Variants in SYNGR1 observed in about 807,000 individuals in gnomAD.
SYNGR1 encodes the protein synaptogyrin 1.
A neutral mutation model predicts 26.1 loss-of-function variants in SYNGR1; 14 were observed. That is an observed-to-expected ratio of 0.54 (90% CI 0.35 to 0.84). The LOEUF (loss-of-function observed/expected upper bound fraction) is 0.84, where lower values mean the gene tolerates loss of function less well. SYNGR1 is among the 40% of genes least tolerant of loss of function. SYNGR1 has a pLI of 0.01. For missense variants in SYNGR1, 319 were observed against 332.9 expected (o/e 0.96, Z 0.33); for synonymous variants, 141 against 150.1 (o/e 0.94, Z 0.44).
At chr22:39,365,581 T>G (rs991691430) in intron 1 of SYNGR1, among the ~76,000 whole-genome samples, 5 of 151,972 alleles carry the variant, frequency 3.3e-5, no homozygotes, top group African/African-American at 1.2e-4. Flanking sequence ...CCACTCAGGG[T>G]GGGGTACAGC....
chr22:39,364,448 T>G (rs1396085460), intron 1 of SYNGR1: 2 of 1,310,396 alleles, frequency 1.5e-6, no homozygotes, highest in Middle Eastern at 1.8e-4. Context: ...AGGTGCCTTC[T>G]TCCATTGGCA....
At chr22:39,353,067 A>G (rs137700) in intron 1 of SYNGR1, among the ~76,000 whole-genome samples, 114,361 of 151,932 alleles carry the variant, frequency 0.75, 43,167 homozygotes, top group South Asian at 0.86. Flanking sequence ...TCACCATGTT[A>G]GCCAGGCTGG....
intron 3 of SYNGR1, among the ~76,000 whole-genome samples, chr22:39,376,540 G>A (rs1017125586): frequency 6.6e-6 from 1 of 152,222 alleles, no homozygotes; most frequent in African/African-American, 2.4e-5. Context: ...GCCTAGACAG[G>A]AAGGTGAGGC....
chr22:39,364,398 A>G lies in SYNGR1; in HGVS notation c.100-9918A>G, dbSNP rs1924635886. On this transcript the variant is annotated intron_variant, in intron 1 of 3. Coordinates refer to ENST00000328933, the MANE Select transcript of SYNGR1 (RefSeq NM_004711.5). Reference sequence around the variant, plus strand: ...CTAAGTATAAGACTGCTTTGTGGGGATGATTTGCAGATTTTTATGGGGATT... The same window carrying G: ...CTAAGTATAAGACTGCTTTGTGGGGGTGATTTGCAGATTTTTATGGGGATT... The G allele has an allele frequency of 5.7e-6, 9 of 1,582,322 alleles. 1 individual carries two copies. The South Asian group carries it at 8.9e-5, about 16-fold the overall frequency.
intron 3 of SYNGR1, chr22:39,377,254 C>T: frequency 2.0e-6 from 2 of 985,398 alleles, no homozygotes; most frequent in Non-Finnish European, 2.4e-6. Context: ...ACACCCATCT[C>T]CCCAACAATA....
At chr22:39,377,692 C>T in intron 3 of SYNGR1, 1 of 1,613,482 alleles carries the variant, frequency 6.2e-7, no homozygotes, top group South Asian at 1.1e-5. Context: ...CAGCCGTAGG[C>T]CTCCCCGGCT....
chr22:39,372,914 C>A (rs749659167), intron 1 of SYNGR1, among the ~76,000 whole-genome samples: 43 of 152,014 alleles, frequency 2.8e-4, no homozygotes, highest in Non-Finnish European at 2.6e-4. Context: ...AAGGGTAGTC[C>A]AAAACACAAC....
At chr22:39,378,328 G>A (rs753296513) in intron 3 of SYNGR1, 16 of 972,234 alleles carry the variant, frequency 1.6e-5, no homozygotes, top group Non-Finnish European at 1.7e-5. Flanking sequence ...ACAAAGGCCA[G>A]CCCAGGGCTT....
At chr22:39,376,616 T>C (rs1925298379) in intron 3 of SYNGR1, among the ~76,000 whole-genome samples, 1 of 152,212 alleles carries the variant, frequency 6.6e-6, no homozygotes, top group African/African-American at 2.4e-5. Context: ...CGATCGGGGC[T>C]GCCTCTGATT....
intron 1 of SYNGR1, among the ~76,000 whole-genome samples, chr22:39,357,641 AGCCC>A (rs1924214243): frequency 2.7e-5 from 1 of 36,510 alleles, no homozygotes; most frequent in East Asian, 4.5e-3. Flanking sequence ...GCAGCCGGCC[AGCCC>A]TGCTGGCCCC....
rs1211009383 is a variant in SYNGR1, at chr22:39,381,822, G to C, written c.610G>C (p.Gly204Arg). The C allele has an allele frequency of 6.9e-7, 1 of 1,449,046 alleles. No homozygotes were observed. Among genetic ancestry groups the C allele is most frequent in the South Asian group, 1.3e-5 (1 of 77,188 alleles). The allele number at this position is 1,449,046 out of a possible 1,614,324, so 89.8% of individuals were successfully genotyped here. ...TTACGCGCCCTACGTGGAGCCCACT[G>C]GGCCGGATCCCGCCGGTATGGGCGG... ...MPYAPYVEPT[G>R]PDPAGMGGTY... The change falls in exon 4 of 4, where the codon GGG (glycine) becomes CGG (arginine). Residue 204 changes from glycine to arginine, a missense_variant. Physicochemically the swap from Gly to Arg is moderately radical, Grantham distance 125. Coordinates refer to ENST00000328933, the MANE Select transcript of SYNGR1 (RefSeq NM_004711.5).
intron 2 of SYNGR1, 50 bp from the exon 3 acceptor site, chr22:39,376,002 C>T: frequency 6.2e-7 from 1 of 1,613,084 alleles, no homozygotes; most frequent in Non-Finnish European, 8.5e-7. Context: ...CACTCACCCT[C>T]TCCCCCATGT....
At chr22:39,374,629 C>A in intron 2 of SYNGR1, 76 bp downstream of exon 2, 2 of 1,468,976 alleles carry the variant, frequency 1.4e-6, no homozygotes, top group South Asian at 1.1e-5. Flanking sequence ...CGGCTGCCAC[C>A]CTTCTTCCCA....
chr22:39,370,449 T>C (rs1569180394), intron 1 of SYNGR1, among the ~76,000 whole-genome samples: 1 of 151,896 alleles, frequency 6.6e-6, no homozygotes, highest in Non-Finnish European at 1.5e-5. Flanking sequence ...CTAATTTTGG[T>C]ATTTTTTGTA....
At chr22:39,364,405 G>C in intron 1 of SYNGR1, 1 of 1,569,092 alleles carries the variant, frequency 6.4e-7, no homozygotes, top group South Asian at 1.1e-5. Context: ...GGGATGATTT[G>C]CAGATTTTTA....
intron 2 of SYNGR1, chr22:39,375,134 C>T (rs1223544922): frequency 6.0e-6 from 1 of 165,884 alleles, no homozygotes; most frequent in African/African-American, 2.4e-5. Flanking sequence ...GGGTCCGAAC[C>T]CGAGGCTTCA....
chr22:39,382,642 C>T lies in SYNGR1; in HGVS notation c.*728C>T, dbSNP rs1287277563. 6.5e-6 allele frequency: 1 copy of T among 153,148 alleles called. No homozygotes were observed. The highest frequency in any genetic ancestry group is 2.1e-4 in the South Asian group (1 of 4,858). The allele number at this position is 153,148 out of a possible 1,614,324, so 9.5% of individuals were successfully genotyped here. A position where few individuals can be genotyped will look rare whatever the true frequency, so the allele number is the denominator to read the frequency against. On this transcript the variant is annotated 3_prime_UTR_variant, in exon 4 of 4. Coordinates refer to ENST00000328933, the MANE Select transcript of SYNGR1 (RefSeq NM_004711.5). ...TCAGTGTTACTGTCATTCTGGGAGG[C>T]CTTGGGGCCCTCAGCCCCTTGAGAC...
At chr22:39,364,378 T>C in intron 1 of SYNGR1, 2 of 1,605,140 alleles carry the variant, frequency 1.2e-6, no homozygotes, top group Non-Finnish European at 1.7e-6. Context: ...ATGCTCTAAG[T>C]ATAAGACTGC....
At chr22:39,356,064 TA>T (rs1262505711) in intron 1 of SYNGR1, among the ~76,000 whole-genome samples, 4 of 152,124 alleles carry the variant, frequency 2.6e-5, no homozygotes, top group Non-Finnish European at 5.9e-5. Context: ...AAATGCAAGT[TA>T]TTTTTGTTTG....
Sources: allele counts gnomAD v4.1 joint callset (sites outside exome capture counted in the v4.1 genomes callset), GRCh38; gene constraint gnomAD v4.1.1; transcripts MANE v1.5; gene names NCBI Gene and HGNC (gene_info 2026-07-23, HGNC 2026-07-21).